The following BCL9 variants were observed in gnomAD, a reference collection of about 807,000 sequenced individuals.
BCL9 encodes BCL9 transcription coactivator.
A neutral mutation model predicts 88.5 loss-of-function variants in BCL9; 25 were observed. That is an observed-to-expected ratio of 0.28 (90% CI 0.21 to 0.39). The LOEUF (loss-of-function observed/expected upper bound fraction) is 0.39, where lower values mean the gene tolerates loss of function less well. BCL9 is among the 10% of genes least tolerant of loss of function. The probability of loss-of-function intolerance (pLI) is 1.00; values close to 1 mark genes in which losing one functional copy is unlikely to be tolerated. For synonymous variants in BCL9, 711 were observed against 673.3 expected, an observed-to-expected ratio of 1.06 and a Z score of -0.87; for missense variants, 1,817 against 1,877.8, an observed-to-expected ratio of 0.97 and a Z score of 0.60.
intron 3 of BCL9, among the ~76,000 whole-genome samples, chr1:147,608,399 A>AACAGACAG (rs587762913): frequency 3.0e-4 from 44 of 145,062 alleles, no homozygotes; most frequent in African/African-American, 1.1e-3. Context: ...GGAAAGATCC[A>AACAGACAG]ACAGACAGAG....
At chr1:147,580,454 G>T (rs1052009523) in intron 1 of BCL9, among the ~76,000 whole-genome samples, 3 of 152,134 alleles carry the variant, frequency 2.0e-5, no homozygotes, top group Non-Finnish European at 4.4e-5. Flanking sequence ...CTCATCTAAT[G>T]GGCTCTGTGA....
At chr1:147,560,004 C>T (rs968860722) in intron 1 of BCL9, among the ~76,000 whole-genome samples, 2 of 152,152 alleles carry the variant, frequency 1.3e-5, no homozygotes, top group African/African-American at 4.8e-5. Flanking sequence ...TCACTCTCTT[C>T]CTCTAGGATA....
chr1:147,622,741 AG>A lies in BCL9; in HGVS notation c.3163+211del, dbSNP rs145299157. Among the ~76,000 whole-genome samples the A allele has an allele frequency of 6.1e-4, 93 of 152,336 alleles. 5 individuals carry two copies. The East Asian group carries it at 0.018, about 29-fold the overall frequency. Reference sequence around the variant, plus strand: ...TTGATTCCTTATTTGTTTGTAAGAAAGCAGGTTTCTTTATAGTTCTGATGCT... The same window carrying A: ...TTGATTCCTTATTTGTTTGTAAGAAACAGGTTTCTTTATAGTTCTGATGCT... On this transcript the variant is annotated intron_variant, in intron 9 of 9. Transcript: ENST00000234739.
intron 1 of BCL9, among the ~76,000 whole-genome samples, chr1:147,557,976 T>C (rs1553195633): frequency 1.3e-5 from 2 of 152,194 alleles, no homozygotes; most frequent in African/African-American, 4.8e-5. Flanking sequence ...TAAGTTGCCA[T>C]TGATTTTTGT....
chr1:147,569,756 A>G (rs1443065201), intron 1 of BCL9, among the ~76,000 whole-genome samples: 1 of 152,214 alleles, frequency 6.6e-6, no homozygotes, highest in Non-Finnish European at 1.5e-5. Flanking sequence ...TCATAGTGAA[A>G]CAGGTGAAAG....
chr1:147,599,592 G>A (rs1376467744), intron 1 of BCL9, among the ~76,000 whole-genome samples: 8 of 152,184 alleles, frequency 5.3e-5, no homozygotes, highest in South Asian at 2.1e-4. Context: ...ACCCTCCCGT[G>A]CCGAACCTCC....
chr1:147,603,505 G>T (rs906876159), intron 1 of BCL9, among the ~76,000 whole-genome samples: 2 of 150,968 alleles, frequency 1.3e-5, no homozygotes, highest in Non-Finnish European at 3.0e-5. Flanking sequence ...TTTTTGTTTT[G>T]TTTTTTTTTA....
chr1:147,620,865 T>A lies in BCL9; in HGVS notation c.2710T>A (p.Ser904Thr), dbSNP rs145145153. 436 of 1,614,122 alleles carry A rather than the reference T, an allele frequency of 2.7e-4. 1 individual carries two copies. Among genetic ancestry groups the A allele is most frequent in the Middle Eastern group, 2.1e-3 (13 of 6,062 alleles). ...GCTGGCGGGCCCAGCTGCTGCTGCT[T>A]CCATTAAGTCCCCCCCTGTTTTGGG... Reference protein sequence around the residue: ...GMLAGPAAAASIKSPPVLGSA... With the variant: ...GMLAGPAAAATIKSPPVLGSA... The change falls in exon 8 of 10, where the codon TCC becomes ACC. Residue 904 changes from serine to threonine, a missense_variant. By Grantham distance (58) the Ser-to-Thr change is moderately conservative. Around this residue, in one of 2 missense-constraint regions of BCL9, gnomAD observed 1,228 missense variants for 1,191.6 expected, o/e 1.03. Coordinates refer to ENST00000234739, the MANE Select transcript of BCL9 (RefSeq NM_004326.4).
Position 147,624,498 on chromosome 1 carries a change from C to G in BCL9, c.3820C>G (p.Gln1274Glu). 1 of 1,614,216 alleles carries G rather than the reference C, an allele frequency of 6.2e-7. No individual in the cohort carries two copies. Among genetic ancestry groups the G allele is most frequent in the South Asian group, 1.1e-5 (1 of 91,082 alleles). Residue 1274 changes from glutamine to glutamate, a missense_variant, in exon 10 of 10, where the codon CAG becomes GAG. This residue lies in a region of BCL9 where 589 missense variants were observed against 686.2 expected (regional missense o/e 0.86). Coordinates refer to ENST00000234739, the MANE Select transcript of BCL9 (RefSeq NM_004326.4). This position sits in a 1 kb window ranked among gnomAD's most constrained non-coding sequence, Gnocchi z 4.4. ...TCCTGGACCTGGGTTTTCACACATG[C>G]AGGGGATGATGGGCGAACAAGCCCC... ...QGPGPGFSHM[Q>E]GMMGEQAPRM...
At chr1:147,600,317 T>C in intron 1 of BCL9, 1 of 151,872 alleles carries the variant, frequency 6.6e-6, no homozygotes, top group Non-Finnish European at 1.5e-5. Context: ...TCCTCTCCCC[T>C]CCCCCACTCC....
intron 8 of BCL9, 34 bp from the exon 9 acceptor site, chr1:147,622,237 C>T (rs782234223): frequency 1.2e-6 from 2 of 1,612,572 alleles, no homozygotes; most frequent in Non-Finnish European, 1.7e-6. Flanking sequence ...AATCTAATTC[C>T]CTGCCCGTTT....
intron 3 of BCL9, among the ~76,000 whole-genome samples, 186 bp from the exon 4 acceptor site, chr1:147,611,392 T>A (rs2101607183): frequency 6.6e-6 from 1 of 152,296 alleles, no homozygotes; most frequent in South Asian, 2.1e-4. Flanking sequence ...CTAGTCACCC[T>A]CCAGCTGGTG....
chr1:147,548,979 CTTTTTT>C (rs72473603), intron 1 of BCL9, among the ~76,000 whole-genome samples: 8 of 111,340 alleles, frequency 7.2e-5, no homozygotes, highest in Admixed American at 5.6e-4. Context: ...TTCTTTCTTT[CTTTTTT>C]TTTTTTTTTT....
rs926048897 is a variant in BCL9, at chr1:147,554,415, A to G, written c.-478+12741A>G. Among the ~76,000 whole-genome samples the G allele has an allele frequency of 4.6e-5, 7 of 152,228 alleles. No homozygotes were observed. In the East Asian group the frequency reaches 1.2e-3, roughly 25 times the overall value. On this transcript the variant is annotated intron_variant, in intron 1 of 9. Coordinates refer to ENST00000234739, the MANE Select transcript of BCL9 (RefSeq NM_004326.4). ...GTATAAATTTATTTAAAATTAACGA[A>G]AATTTCAGAAAATTGCTGGAGCTGG...
chr1:147,557,025 C>T (rs797033986), intron 1 of BCL9, among the ~76,000 whole-genome samples: 35 of 152,280 alleles, frequency 2.3e-4, no homozygotes, highest in African/African-American at 8.2e-4. Flanking sequence ...GGGTACCAAG[C>T]AGCAATCTAC....
rs959447674 is a variant in BCL9, at chr1:147,620,196, C to G, written c.2041C>G (p.Pro681Ala). ...GAATAACCCCATTTTCCCTCGAATA[C>G]CAGTTGAGGGCCCTCTGAGTCCTTC... is the stretch of plus-strand genomic sequence containing the variant. ...PGNNPIFPRI[P>A]VEGPLSPSRG... Residue 681 changes from proline to alanine, a missense_variant, in exon 8 of 10, where the codon CCA becomes GCA. Around this residue, in one of 2 missense-constraint regions of BCL9, gnomAD observed 1,228 missense variants for 1,191.6 expected, o/e 1.03. Transcript: ENST00000234739. The G allele has an allele frequency of 1.9e-6, 3 of 1,613,922 alleles. No homozygotes were observed. The African/African-American group carries it at 4.0e-5, about 22-fold the overall frequency.
intron 1 of BCL9, among the ~76,000 whole-genome samples, chr1:147,589,708 G>C (rs1656767657): frequency 6.6e-6 from 1 of 152,202 alleles, no homozygotes; most frequent in African/African-American, 2.4e-5. Context: ...TGTAGGGATA[G>C]ACCACGTTTT....
intron 1 of BCL9, among the ~76,000 whole-genome samples, chr1:147,560,236 G>T (rs1655313941): frequency 6.6e-6 from 1 of 152,124 alleles, no homozygotes; most frequent in Admixed American, 6.6e-5. Context: ...CACACTGAGG[G>T]ACTGATCTTT....
intron 1 of BCL9, among the ~76,000 whole-genome samples, chr1:147,592,540 C>T (rs1278565127): frequency 2.0e-5 from 3 of 152,154 alleles, no homozygotes; most frequent in African/African-American, 7.2e-5. Context: ...GTTATCCACC[C>T]CCAAGGGCTG....
Sources: gnomAD v4.1 joint callset for allele counts (sites outside exome capture counted in the v4.1 genomes callset) on GRCh38, gnomAD v4.1.1 for gene constraint, gnomAD v4.1.1 regional missense constraint, Gnocchi (gnomAD v3.1) non-coding constraint, MANE v1.5 for transcripts, NCBI Gene and HGNC (gene_info 2026-07-23, HGNC 2026-07-21) for gene names.